The following CCBE1 variants were observed in gnomAD, a reference collection of about 807,000 sequenced individuals.
CCBE1 encodes the protein collagen and calcium binding EGF domains 1.
A neutral mutation model predicts 50.0 loss-of-function variants in CCBE1; 37 were observed. The observed-to-expected ratio is 0.74, with a 90% confidence interval of 0.57 to 0.97. CCBE1 has a LOEUF of 0.97. CCBE1 is among the 50% of genes least tolerant of loss of function. The pLI is 0.00. For missense variants in CCBE1, 538 were observed against 523.8 expected, an observed-to-expected ratio of 1.03 and a Z score of -0.26; for synonymous variants, 234 against 203.7, an observed-to-expected ratio of 1.15 and a Z score of -1.27.
At chr18:59,537,342 T>C (rs1173055871) in intron 2 of CCBE1, among the ~76,000 whole-genome samples, 1 of 152,126 alleles carries the variant, frequency 6.6e-6, no homozygotes, top group Non-Finnish European at 1.5e-5. Flanking sequence ...CCAGAACTCA[T>C]CTTGAATTGT....
At chr18:59,574,211 A>G (rs1424044010) in intron 2 of CCBE1, among the ~76,000 whole-genome samples, 3 of 152,346 alleles carry the variant, frequency 2.0e-5, no homozygotes, top group South Asian at 2.1e-4. Flanking sequence ...CTGAGTCTAG[A>G]TTAGACCACA....
intron 2 of CCBE1, among the ~76,000 whole-genome samples, chr18:59,481,934 G>C (rs564851477): frequency 6.6e-6 from 1 of 152,118 alleles, no homozygotes; most frequent in Non-Finnish European, 1.5e-5. Context: ...CATGTGCAGC[G>C]CGTGCAGGTT....
chr18:59,677,693 C>T (rs2144722798), intron 2 of CCBE1, among the ~76,000 whole-genome samples: 1 of 139,966 alleles, frequency 7.1e-6, no homozygotes, highest in East Asian at 1.9e-4. Context: ...AAAAGATTAT[C>T]TCTTTAAAAA....
chr18:59,585,311 G>A (rs1046430955), intron 2 of CCBE1, among the ~76,000 whole-genome samples: 1 of 151,962 alleles, frequency 6.6e-6, no homozygotes, highest in Admixed American at 6.6e-5. Flanking sequence ...GCACTTCAAT[G>A]CTATCTGAAA....
chr18:59,541,194 A>G (rs1419728723), intron 2 of CCBE1, among the ~76,000 whole-genome samples: 1 of 152,212 alleles, frequency 6.6e-6, no homozygotes, highest in East Asian at 1.9e-4. Context: ...GATGTTTACT[A>G]TTACACTTGA....
intron 2 of CCBE1, among the ~76,000 whole-genome samples, chr18:59,499,769 C>T (rs574988188): frequency 6.6e-6 from 1 of 152,328 alleles, no homozygotes; most frequent in East Asian, 1.9e-4. Context: ...CTAGGCACAA[C>T]AATGGCCTGC....
intron 2 of CCBE1, among the ~76,000 whole-genome samples, chr18:59,582,332 A>T (rs1365836097): frequency 6.6e-6 from 1 of 152,094 alleles, no homozygotes; most frequent in African/African-American, 2.4e-5. Flanking sequence ...ACTTCCACTG[A>T]TTTCTTCTAG....
At chr18:59,574,167 G>A (rs1187559317) in intron 2 of CCBE1, among the ~76,000 whole-genome samples, 3 of 152,048 alleles carry the variant, frequency 2.0e-5, no homozygotes, top group East Asian at 1.9e-4. Flanking sequence ...CCTCCCATGT[G>A]ATCTGATTAT....
intron 2 of CCBE1, among the ~76,000 whole-genome samples, chr18:59,502,838 C>G (rs922349613): frequency 1.3e-5 from 2 of 152,322 alleles, no homozygotes; most frequent in Admixed American, 6.5e-5. Context: ...AGTCCTCACT[C>G]ACTGGCAAGG....
intron 2 of CCBE1, among the ~76,000 whole-genome samples, chr18:59,514,562 G>A (rs1914280668): frequency 6.7e-6 from 1 of 150,252 alleles, no homozygotes; most frequent in Non-Finnish European, 1.5e-5. Flanking sequence ...TGCTGGCGGG[G>A]TGTTTGTTTT....
intron 2 of CCBE1, among the ~76,000 whole-genome samples, chr18:59,562,076 G>A (rs548337696): frequency 5.9e-5 from 9 of 152,284 alleles, no homozygotes; most frequent in Non-Finnish European, 1.2e-4. Flanking sequence ...CCAAGGTCAT[G>A]ATTTGTAAAC....
intron 2 of CCBE1, among the ~76,000 whole-genome samples, chr18:59,641,110 T>C (rs2053983076): frequency 6.6e-6 from 1 of 152,176 alleles, no homozygotes; most frequent in South Asian, 2.1e-4. Flanking sequence ...TCAATCCCAT[T>C]ACTATTATAC....
chr18:59,531,434 A>C (rs574842857), intron 2 of CCBE1, among the ~76,000 whole-genome samples: 25 of 152,272 alleles, frequency 1.6e-4, no homozygotes, highest in Non-Finnish European at 3.4e-4. Context: ...AATGTGAGAG[A>C]GGAGCCAAAA....
At chr18:59,481,041 A>G (rs1568163199) in intron 2 of CCBE1, among the ~76,000 whole-genome samples, 1 of 152,256 alleles carries the variant, frequency 6.6e-6, no homozygotes, top group Non-Finnish European at 1.5e-5. Flanking sequence ...TATATGTTGG[A>G]ATTATCAGAC....
At chr18:59,597,437 A>G (rs2053368191) in intron 2 of CCBE1, among the ~76,000 whole-genome samples, 1 of 152,170 alleles carries the variant, frequency 6.6e-6, no homozygotes, top group African/African-American at 2.4e-5. Flanking sequence ...ACAGCTTCCT[A>G]TTTAATCTTT....
At chr18:59,675,126 A>G (rs2054482119) in intron 2 of CCBE1, among the ~76,000 whole-genome samples, 3 of 152,196 alleles carry the variant, frequency 2.0e-5, no homozygotes, top group Non-Finnish European at 2.9e-5. Context: ...GGATAACAGT[A>G]TTGAAGAAAG....
chr18:59,620,427 C>G (rs562059784), intron 2 of CCBE1, among the ~76,000 whole-genome samples: 1 of 152,192 alleles, frequency 6.6e-6, no homozygotes, highest in Non-Finnish European at 1.5e-5. Context: ...AAGCTGAGAC[C>G]CTCATTATCT....
At chr18:59,629,036 C>T (rs1390403473) in intron 2 of CCBE1, among the ~76,000 whole-genome samples, 2 of 152,180 alleles carry the variant, frequency 1.3e-5, no homozygotes, top group Non-Finnish European at 2.9e-5. Flanking sequence ...GATGTATGCA[C>T]AGCCAGCAGC....
At chr18:59,606,921 GT>G (rs1255881533) in intron 2 of CCBE1, among the ~76,000 whole-genome samples, 1 of 152,150 alleles carries the variant, frequency 6.6e-6, no homozygotes, top group Non-Finnish European at 1.5e-5. Flanking sequence ...TTATCTCACT[GT>G]TTTATAATTA....
Sources: gnomAD v4.1 joint callset for allele counts (sites outside exome capture counted in the v4.1 genomes callset) on GRCh38, gnomAD v4.1.1 for gene constraint, MANE v1.5 for transcripts, NCBI Gene and HGNC (gene_info 2026-07-23, HGNC 2026-07-21) for gene names.